The following FRAT1 variants were observed in gnomAD, a reference collection of about 807,000 sequenced individuals.
FRAT1 encodes the protein proto-oncogene FRAT1.
A neutral mutation model predicts 16.9 loss-of-function variants in FRAT1; 9 were observed. The observed-to-expected ratio is 0.53, with a 90% CI of 0.32 to 0.93. The LOEUF is 0.93. FRAT1 is among the 40% of genes least tolerant of loss of function. FRAT1 has a pLI of 0.04. For missense variants in FRAT1, 354 were observed against 402.8 expected (o/e 0.88, Z 1.04); for synonymous variants, 191 against 202.1 (o/e 0.95, Z 0.46).
At position 97,320,447 on chromosome 10, in the gene FRAT1, C is replaced by T. The variant is rs1289864836; in HGVS notation, c.*154C>T. On this transcript the variant is annotated 3_prime_UTR_variant, in exon 1 of 1. Transcript: ENST00000371021. Reference sequence around the variant, plus strand: ...GAACCGAAAAATCGCGAGTGTTTCGCGGGTAACTGGGGTTGAGGGCCAAAA... The same window carrying T: ...GAACCGAAAAATCGCGAGTGTTTCGTGGGTAACTGGGGTTGAGGGCCAAAA... The T allele has an allele frequency of 4.8e-6, 4 of 829,904 alleles. No homozygotes were observed. The highest frequency in any genetic ancestry group is 7.3e-6 in the Non-Finnish European group (4 of 547,186). 51.4% of individuals were successfully genotyped at this position (829,904 alleles called of 1,614,324 possible).
Position 97,320,378 on chromosome 10 carries a change from A to C in FRAT1, c.*85A>C. ...GCTGCAGTTCTACTCAGGCTGGTGG[A>C]GAACTCTGGCTTTTGGAAGCGAGAG... On this transcript the variant is annotated 3_prime_UTR_variant, in exon 1 of 1. Coordinates refer to ENST00000371021, the MANE Select transcript of FRAT1 (RefSeq NM_005479.4). 1 of 1,252,276 alleles carries C rather than the reference A, an allele frequency of 8.0e-7. No individual in the cohort carries two copies. The highest frequency in any genetic ancestry group is 1.1e-6 in the Non-Finnish European group (1 of 928,966). 77.6% of individuals were successfully genotyped at this position (1,252,276 alleles called of 1,614,324 possible).
At position 97,321,554 on chromosome 10, in the gene FRAT1, A is replaced by G. The variant is rs1447631622; in HGVS notation, c.*1261A>G. The stretch of plus-strand genomic sequence containing the variant: ...TGGCCTTTGTAAGTGCAGGAAACCG[A>G]GTAGAAAATGTGACCCTCCAAATGG... On this transcript the variant is annotated 3_prime_UTR_variant, in exon 1 of 1. Transcript: ENST00000371021. 1 of 167,174 alleles carries G rather than the reference A, an allele frequency of 6.0e-6. No individual in the cohort carries two copies. The allele number at this position is 167,174 out of a possible 1,614,324, so 10.4% of individuals were successfully genotyped here.
chr10:97,320,901 GTCTC>G lies in FRAT1; in HGVS notation c.*612_*615del, dbSNP rs1228651273. ...TAACCCCTGCGCTCTCTTTGCAACT[GTCTC>G]TCTTCTCAGAGTGGTGGGGGAAGGC... On this transcript the variant is annotated 3_prime_UTR_variant, in exon 1 of 1. Transcript: ENST00000371021. 4 of 166,622 alleles carry G rather than the reference GTCTC, an allele frequency of 2.4e-5. No homozygotes were observed. The East Asian group carries it at 7.7e-4, about 32-fold the overall frequency. The allele number at this position is 166,622 out of a possible 1,614,324, so 10.3% of individuals were successfully genotyped here. A position where few individuals can be genotyped will look rare whatever the true frequency, so the allele number is the denominator to read the frequency against.
rs1267650558 is a variant in FRAT1, at chr10:97,319,929, G to T, written c.476G>T (p.Gly159Val). 6.5e-7 allele frequency: 1 copy of T among 1,532,194 alleles called. No homozygotes were observed. The highest frequency in any genetic ancestry group is 2.5e-5 in the East Asian group (1 of 40,560). 94.9% of individuals were successfully genotyped at this position (1,532,194 alleles called of 1,614,324 possible). The change falls in exon 1 of 1, where the codon GGC becomes GTC. Residue 159 changes from glycine to valine, a missense_variant. Gly to Val is a moderately radical substitution (Grantham distance 109, BLOSUM62 -3). Coordinates refer to ENST00000371021, the MANE Select transcript of FRAT1 (RefSeq NM_005479.4). ...LDGPPGAGKQGIPQPLSGPCR... is the reference protein window; with the variant it reads ...LDGPPGAGKQVIPQPLSGPCR... Reference sequence around the variant, plus strand: ...GGGCCTCCGGGAGCTGGCAAGCAGGGCATCCCGCAGCCGCTGTCGGGTCCG... The same window carrying T: ...GGGCCTCCGGGAGCTGGCAAGCAGGTCATCCCGCAGCCGCTGTCGGGTCCG...
In FRAT1 at chr10:97,319,860, GC is replaced by G; in HGVS notation, c.411del (p.Ser138AlafsTer69). On this transcript the variant is annotated frameshift_variant, in exon 1 of 1. Coordinates refer to ENST00000371021, the MANE Select transcript of FRAT1 (RefSeq NM_005479.4). LOFTEE classifies it high-confidence loss of function. ...APYCVAELAT[G>X]PSALSPLPPQ... is the part of the protein sequence containing the mutation. ...TACTGCGTGGCCGAGCTCGCCACAG[GC>G]CCCAGCGCGCTGTCCCCACTGCCCC... 6.6e-7 allele frequency: 1 copy of G among 1,510,160 alleles called. No homozygotes were observed. Among genetic ancestry groups the G allele is most frequent in the Non-Finnish European group, 8.8e-7 (1 of 1,137,876 alleles). The allele number at this position is 1,510,160 out of a possible 1,614,324, so 93.5% of individuals were successfully genotyped here. A position where few individuals can be genotyped will look rare whatever the true frequency, so the allele number is the denominator to read the frequency against.
rs1299554105 is a variant in FRAT1, at chr10:97,319,384, C to G, written c.-70C>G. 11 of 1,273,390 alleles carry G rather than the reference C, an allele frequency of 8.6e-6. No homozygotes were observed. Among genetic ancestry groups the G allele is most frequent in the Non-Finnish European group, 1.1e-5 (11 of 1,012,020 alleles). 78.9% of individuals were successfully genotyped at this position (1,273,390 alleles called of 1,614,324 possible). ...CAGCTCCGCGCCCGCTCCGCCGCGG[C>G]CCACCGCGCCCGCCGGCAGCCGAGC... On this transcript the variant is annotated 5_prime_UTR_variant, in exon 1 of 1. Transcript: ENST00000371021.
Position 97,320,243 on chromosome 10 carries a change from G to C in FRAT1, c.790G>C (p.Gly264Arg), listed in dbSNP as rs766467721. The C allele has an allele frequency of 2.5e-6, 4 of 1,603,306 alleles. No individual in the cohort carries two copies. The highest frequency in any genetic ancestry group is 3.4e-5 in the Admixed American group (2 of 58,780). Residue 264 changes from glycine to arginine, a missense_variant, in exon 1 of 1, where the codon GGG becomes CGG. Gly to Arg is a moderately radical substitution (Grantham distance 125, BLOSUM62 -2). This residue lies in a region of FRAT1 where 286 missense variants were observed against 311.0 expected (regional missense o/e 0.92). Coordinates refer to ENST00000371021, the MANE Select transcript of FRAT1 (RefSeq NM_005479.4). ...RAACSDPGAS[G>R]RAQLRTGDGV... is the part of the protein sequence containing the mutation. The stretch of plus-strand genomic sequence containing the variant: ...GGCCTGCAGTGACCCTGGCGCCTCC[G>C]GGAGGGCGCAGCTCAGAACTGGCGA...
At position 97,319,880 on chromosome 10, in the gene FRAT1, C is replaced by G. The variant is rs1423567792; in HGVS notation, c.427C>G (p.Leu143Val). 1 of 1,526,478 alleles carries G rather than the reference C, an allele frequency of 6.6e-7. No homozygotes were observed. The highest frequency in any genetic ancestry group is 2.0e-5 in the Admixed American group (1 of 50,142). The allele number at this position is 1,526,478 out of a possible 1,614,324, so 94.6% of individuals were successfully genotyped here. A position where few individuals can be genotyped will look rare whatever the true frequency, so the allele number is the denominator to read the frequency against. Residue 143 changes from leucine (L) to valine (V), a missense_variant, in exon 1 of 1, where the codon CTG becomes GTG. Coordinates refer to ENST00000371021, the MANE Select transcript of FRAT1 (RefSeq NM_005479.4). ...CACAGGCCCCAGCGCGCTGTCCCCA[C>G]TGCCCCCTCAGGCCGACCTTGATGG... ...LATGPSALSP[L>V]PPQADLDGPP...
chr10:97,320,208 G>C lies in FRAT1; in HGVS notation c.755G>C (p.Ser252Thr), dbSNP rs1473075164. Residue 252 changes from serine to threonine, a missense_variant, in exon 1 of 1, where the codon AGC becomes ACC. Physicochemically the swap from Ser to Thr is moderately conservative, Grantham distance 58 (BLOSUM62 1). Around this residue, in one of 3 missense-constraint regions of FRAT1, gnomAD observed 286 missense variants for 311.0 expected, o/e 0.92. Coordinates refer to ENST00000371021, the MANE Select transcript of FRAT1 (RefSeq NM_005479.4). ...APVHEPPSPR[S>T]PRAACSDPGA... The stretch of plus-strand genomic sequence containing the variant: ...GTGCATGAACCCCCTTCGCCTCGCA[G>C]CCCTCGCGCGGCCTGCAGTGACCCT... 6.2e-7 allele frequency: 1 copy of C among 1,608,760 alleles called. No homozygotes were observed. The highest frequency in any genetic ancestry group is 8.5e-7 in the Non-Finnish European group (1 of 1,178,150).
Position 97,319,555 on chromosome 10 carries a change from G to T in FRAT1, c.102G>T (p.Leu34=). The T allele has an allele frequency of 6.8e-7, 1 of 1,471,946 alleles. No individual in the cohort carries two copies. Among genetic ancestry groups the T allele is most frequent in the Non-Finnish European group, 9.0e-7 (1 of 1,113,814 alleles). 91.2% of individuals were successfully genotyped at this position (1,471,946 alleles called of 1,614,324 possible). Residue 34 remains leucine, a synonymous_variant, in exon 1 of 1, where the codon CTG becomes CTT. Transcript: ENST00000371021. The part of the protein sequence containing the change: ...SFLLLQQSVA[L]GSSGEVDRLV... Reference sequence around the variant, plus strand: ...TCCTACTGCAGCAGTCAGTGGCGCTGGGCAGCTCGGGCGAGGTGGACCGGC... The same window carrying T: ...TCCTACTGCAGCAGTCAGTGGCGCTTGGCAGCTCGGGCGAGGTGGACCGGC...
rs754803073 is a variant in FRAT1, at chr10:97,320,039, G to A, written c.586G>A (p.Asp196Asn). 6.3e-7 allele frequency: 1 copy of A among 1,575,768 alleles called. No homozygotes were observed. Among genetic ancestry groups the A allele is most frequent in the Admixed American group, 1.8e-5 (1 of 54,632 alleles). ...GTCCCAACCAGAAACCCGCACAGGC[G>A]ACGACGACCCGCACCGGCTTCTGCA... Reference protein sequence around the residue: ...RGSQPETRTGDDDPHRLLQQL... With the variant: ...RGSQPETRTGNDDPHRLLQQL... Residue 196 changes from aspartate (D) to asparagine (N), a missense_variant, in exon 1 of 1, where the codon GAC becomes AAC. Physicochemically the swap from Asp to Asn is conservative, Grantham distance 23 (BLOSUM62 1). Transcript: ENST00000371021.
chr10:97,319,936 G>A lies in FRAT1; in HGVS notation c.483G>A (p.Pro161=), dbSNP rs1426743835. The change falls in exon 1 of 1, where the codon CCG becomes CCA. Residue 161 remains proline, a synonymous_variant. Transcript: ENST00000371021. ...CGGGAGCTGGCAAGCAGGGCATCCC[G>A]CAGCCGCTGTCGGGTCCGTGCCGGC... ...GPPGAGKQGI[P]QPLSGPCRRG... The A allele has an allele frequency of 6.5e-7, 1 of 1,534,842 alleles. No homozygotes were observed. Among genetic ancestry groups the A allele is most frequent in the Non-Finnish European group, 8.7e-7 (1 of 1,145,404 alleles).
At position 97,319,632 on chromosome 10, in the gene FRAT1, C is replaced by A. The variant is rs571328245; in HGVS notation, c.179C>A (p.Pro60Gln). 4.7e-5 allele frequency: 60 copies of A among 1,278,346 alleles called. No homozygotes were observed. The African/African-American group carries it at 8.3e-4, about 18-fold the overall frequency. The allele number at this position is 1,278,346 out of a possible 1,614,324, so 79.2% of individuals were successfully genotyped here. A position where few individuals can be genotyped will look rare whatever the true frequency, so the allele number is the denominator to read the frequency against. Residue 60 changes from proline to glutamine, a missense_variant, in exon 1 of 1, where the codon CCG becomes CAG. Pro to Gln is a moderately conservative substitution (Grantham distance 76). This residue lies in a region of FRAT1 where 22 missense variants were observed against 54.1 expected (regional missense o/e 0.41). Coordinates refer to ENST00000371021, the MANE Select transcript of FRAT1 (RefSeq NM_005479.4). The part of the protein sequence containing the change: ...TLQLDAAQHS[P>Q]ASPCGPPGAP... ...CAGCTGGACGCGGCGCAGCACAGCCCGGCCTCGCCGTGCGGGCCCCCGGGG... is the reference window on the plus strand; with the variant it reads ...CAGCTGGACGCGGCGCAGCACAGCCAGGCCTCGCCGTGCGGGCCCCCGGGG...
chr10:97,319,446 A>G lies in FRAT1; in HGVS notation c.-8A>G. 5 of 1,409,186 alleles carry G rather than the reference A, an allele frequency of 3.5e-6. No homozygotes were observed. The highest frequency in any genetic ancestry group is 4.6e-6 in the Non-Finnish European group (5 of 1,077,802). The allele number at this position is 1,409,186 out of a possible 1,614,324, so 87.3% of individuals were successfully genotyped here. A position where few individuals can be genotyped will look rare whatever the true frequency, so the allele number is the denominator to read the frequency against. ...CCCGCACAGCTCCGGGTGCCCAGAC[A>G]GGGGGCCATGCCGTGCCGGAGGGAG... is the stretch of plus-strand genomic sequence containing the variant. On this transcript the variant is annotated 5_prime_UTR_variant, in exon 1 of 1. Coordinates refer to ENST00000371021, the MANE Select transcript of FRAT1 (RefSeq NM_005479.4).
In FRAT1 at chr10:97,320,119, G is replaced by A. The variant is rs1843446959; in HGVS notation, c.666G>A (p.Ser222=). The A allele has an allele frequency of 6.2e-7, 1 of 1,609,978 alleles. No individual in the cohort carries two copies. Among genetic ancestry groups the A allele is most frequent in the African/African-American group, 1.3e-5 (1 of 74,744 alleles). Residue 222 remains serine, a synonymous_variant, in exon 1 of 1, where the codon TCG becomes TCA. Transcript: ENST00000371021. ...AGGAGGCCGTGCGAAGGCTTCATTC[G>A]CGACGGCTGCAGTTACGTGCAAAGC... ...LIKEAVRRLH[S]RRLQLRAKLP...
At position 97,320,466 on chromosome 10, in the gene FRAT1, G is replaced by A; in HGVS notation, c.*173G>A. 1.5e-6 allele frequency: 1 copy of A among 655,122 alleles called. No individual in the cohort carries two copies. The highest frequency in any genetic ancestry group is 2.5e-6 in the Non-Finnish European group (1 of 395,346). 40.6% of individuals were successfully genotyped at this position (655,122 alleles called of 1,614,324 possible). The stretch of plus-strand genomic sequence containing the variant: ...GTTTCGCGGGTAACTGGGGTTGAGG[G>A]CCAAAATATTTGGAATGAAGGACTT... On this transcript the variant is annotated 3_prime_UTR_variant, in exon 1 of 1. Transcript: ENST00000371021.
At position 97,320,234 on chromosome 10, in the gene FRAT1, G is replaced by C. The variant is rs1843448857; in HGVS notation, c.781G>C (p.Gly261Arg). The stretch of plus-strand genomic sequence containing the variant: ...CCCTCGCGCGGCCTGCAGTGACCCT[G>C]GCGCCTCCGGGAGGGCGCAGCTCAG... ...RSPRAACSDP[G>R]ASGRAQLRTG... The change falls in exon 1 of 1, where the codon GGC becomes CGC. Residue 261 changes from glycine (G) to arginine (R), a missense_variant. Around this residue, in one of 3 missense-constraint regions of FRAT1, gnomAD observed 286 missense variants for 311.0 expected, o/e 0.92. Coordinates refer to ENST00000371021, the MANE Select transcript of FRAT1 (RefSeq NM_005479.4). The C allele has an allele frequency of 6.2e-7, 1 of 1,603,540 alleles. No homozygotes were observed. The highest frequency in any genetic ancestry group is 1.3e-5 in the African/African-American group (1 of 74,512).
rs530379830 is a variant in FRAT1 at position 97,319,310 on chromosome 10, C to G, written c.-144C>G. The G allele has an allele frequency of 6.3e-6, 7 of 1,113,340 alleles. No homozygotes were observed. Among genetic ancestry groups the G allele is most frequent in the East Asian group, 3.4e-5 (1 of 29,422 alleles). 69.0% of individuals were successfully genotyped at this position (1,113,340 alleles called of 1,614,324 possible). Reference sequence around the variant, plus strand: ...GCAGGCGCGCGGCTAGAGTGCCTGGCGGGCTCCGGCTTCCGCGTCCGCCCC... The same window carrying G: ...GCAGGCGCGCGGCTAGAGTGCCTGGGGGGCTCCGGCTTCCGCGTCCGCCCC... On this transcript the variant is annotated 5_prime_UTR_variant, in exon 1 of 1. Transcript: ENST00000371021.
rs1843448943 is a variant in FRAT1, at chr10:97,320,241, C to T, written c.788C>T (p.Ser263Phe). Residue 263 changes from serine to phenylalanine, a missense_variant, in exon 1 of 1, where the codon TCC becomes TTC. Ser to Phe is a radical substitution (Grantham distance 155). This residue lies in a region of FRAT1 where 286 missense variants were observed against 311.0 expected (regional missense o/e 0.92). Coordinates refer to ENST00000371021, the MANE Select transcript of FRAT1 (RefSeq NM_005479.4). Reference sequence around the variant, plus strand: ...GCGGCCTGCAGTGACCCTGGCGCCTCCGGGAGGGCGCAGCTCAGAACTGGC... The same window carrying T: ...GCGGCCTGCAGTGACCCTGGCGCCTTCGGGAGGGCGCAGCTCAGAACTGGC... ...PRAACSDPGA[S>F]GRAQLRTGDG... is the part of the protein sequence containing the mutation. 1 of 1,603,766 alleles carries T rather than the reference C, an allele frequency of 6.2e-7. No homozygotes were observed. Among genetic ancestry groups the T allele is most frequent in the African/African-American group, 1.3e-5 (1 of 74,514 alleles).
Sources: allele counts gnomAD v4.1 joint callset, GRCh38; gene constraint gnomAD v4.1.1; regional missense constraint gnomAD v4.1.1; transcripts MANE v1.5; gene names NCBI Gene and HGNC (gene_info 2026-07-23, HGNC 2026-07-21).